MAGI1: variants seen among roughly 807,000 people sequenced by gnomAD.
The protein encoded by MAGI1 is membrane-associated guanylate kinase, WW and PDZ domain-containing protein 1.
MAGI1 carries 58 observed loss-of-function variants against 139.9 expected under a neutral mutation model. The ratio of observed to expected loss-of-function variants is 0.41; its 90% confidence interval spans 0.34 to 0.52. The LOEUF is 0.52. MAGI1 is among the 20% of genes least tolerant of loss of function. MAGI1 has a pLI of 0.12. For synonymous variants in MAGI1, 812 were observed against 737.9 expected (o/e 1.10, Z -1.63); for missense variants, 1,874 against 1,901.6 (o/e 0.99, Z 0.27).
chr3:65,717,951 T>C (rs556203068), intron 1 of MAGI1, among the ~76,000 whole-genome samples: 47 of 152,216 alleles, frequency 3.1e-4, no homozygotes, highest in Non-Finnish European at 5.9e-4. Context: ...ATAAGAAAGA[T>C]TTTTTTCCCC....
chr3:65,687,135 T>C (rs1290385147), intron 1 of MAGI1, among the ~76,000 whole-genome samples: 2 of 152,148 alleles, frequency 1.3e-5, no homozygotes, highest in Non-Finnish European at 2.9e-5. Flanking sequence ...GGCATGCACC[T>C]GAAATCCAAG....
At chr3:65,649,535 G>C (rs537652161) in intron 1 of MAGI1, among the ~76,000 whole-genome samples, 27 of 152,238 alleles carry the variant, frequency 1.8e-4, no homozygotes, top group African/African-American at 6.0e-4. Context: ...TCCTGCAATA[G>C]GCTCTGTTAA....
chr3:65,611,582 C>T (rs2083120429), intron 2 of MAGI1, among the ~76,000 whole-genome samples: 1 of 144,610 alleles, frequency 6.9e-6, no homozygotes, highest in Non-Finnish European at 1.5e-5. Flanking sequence ...ACTATATATA[C>T]TATACTAGTA....
intron 1 of MAGI1, among the ~76,000 whole-genome samples, chr3:65,879,231 A>G (rs2060233504): frequency 6.6e-6 from 1 of 152,090 alleles, no homozygotes; most frequent in Admixed American, 6.6e-5. Context: ...GTGGAAGCGG[A>G]GAGCAAAGAG....
intron 1 of MAGI1, among the ~76,000 whole-genome samples, chr3:66,013,986 C>G (rs1270082150): frequency 6.6e-6 from 1 of 152,126 alleles, no homozygotes; most frequent in African/African-American, 2.4e-5. Context: ...CGCAGTGAAC[C>G]ACTACATAAT....
At chr3:65,497,131 T>A (rs1293442282) in intron 2 of MAGI1, among the ~76,000 whole-genome samples, 3 of 151,530 alleles carry the variant, frequency 2.0e-5, no homozygotes, top group Non-Finnish European at 2.9e-5. Flanking sequence ...AAGGTCAGAG[T>A]AGAGGGTGGA....
At chr3:65,817,527 G>C (rs537840761) in intron 1 of MAGI1, among the ~76,000 whole-genome samples, 5 of 152,232 alleles carry the variant, frequency 3.3e-5, no homozygotes, top group African/African-American at 1.2e-4. Context: ...TGCCTGGAGA[G>C]GAAAAGCTAA....
intron 1 of MAGI1, among the ~76,000 whole-genome samples, chr3:65,865,886 C>G (rs1374827019): frequency 6.6e-6 from 1 of 152,148 alleles, no homozygotes; most frequent in Non-Finnish European, 1.5e-5. Flanking sequence ...GTGATCCACC[C>G]ACCTCAGCCT....
chr3:65,391,132 T>C lies in MAGI1; in HGVS notation c.2416+10A>G, dbSNP rs1421616450. On this transcript the variant is annotated intron_variant, in intron 14 of 22. Coordinates refer to ENST00000402939, the MANE Select transcript of MAGI1 (RefSeq NM_001033057.2). ...GGTCAGGGTAAGACAGAGGCCAGGA[T>C]GCTACTCACGTCGGTTTTCATACAT... is the stretch of plus-strand genomic sequence containing the variant. The C allele has an allele frequency of 3.7e-6, 6 of 1,613,088 alleles. No homozygotes were observed. The highest frequency in any genetic ancestry group is 1.7e-5 in the Admixed American group (1 of 59,982).
In MAGI1 at chr3:65,534,753, G is replaced by C. The variant is rs576354743; in HGVS notation, c.431-41122C>G. 2.0e-4 allele frequency among the ~76,000 whole-genome samples: 31 copies of C among 152,268 alleles called. 1 individual carries two copies. The South Asian group carries it at 6.2e-3, about 31-fold the overall frequency. ...AAGAGAGCACCAAGATTTGAACCCA[G>C]GTCTGGCTGCCTCCAAATTCAATCC... is the stretch of plus-strand genomic sequence containing the variant. On this transcript the variant is annotated intron_variant, in intron 2 of 22. Coordinates refer to ENST00000402939, the MANE Select transcript of MAGI1 (RefSeq NM_001033057.2).
intron 1 of MAGI1, among the ~76,000 whole-genome samples, chr3:65,709,310 CT>C (rs1259970487): frequency 3.9e-5 from 6 of 152,140 alleles, no homozygotes; most frequent in East Asian, 1.9e-4. Flanking sequence ...CCTGCTATCT[CT>C]TTTTTTTCCA....
At chr3:65,552,259 G>GTGT (rs2079871731) in intron 2 of MAGI1, among the ~76,000 whole-genome samples, 3 of 147,940 alleles carry the variant, frequency 2.0e-5, no homozygotes, top group Admixed American at 6.7e-5. Flanking sequence ...TGTGTATAGG[G>GTGT]GTGTGTGTGT....
intron 1 of MAGI1, among the ~76,000 whole-genome samples, chr3:65,840,326 A>T (rs2058762021): frequency 6.6e-6 from 1 of 152,198 alleles, no homozygotes; most frequent in Non-Finnish European, 1.5e-5. Flanking sequence ...ACGGACATCT[A>T]TGCTTTGTTC....
At chr3:65,665,786 C>G (rs1257322576) in intron 1 of MAGI1, among the ~76,000 whole-genome samples, 1 of 152,102 alleles carries the variant, frequency 6.6e-6, no homozygotes. Flanking sequence ...CAGCGGGGCC[C>G]AGAAATCTAA....
At chr3:65,714,503 G>A (rs1166890370) in intron 1 of MAGI1, among the ~76,000 whole-genome samples, 2 of 152,080 alleles carry the variant, frequency 1.3e-5, no homozygotes, top group East Asian at 3.9e-4. Context: ...GAGCATGGGA[G>A]CCTACGTAAA....
chr3:65,884,379 G>C (rs1482997310), intron 1 of MAGI1, among the ~76,000 whole-genome samples: 1 of 152,180 alleles, frequency 6.6e-6, no homozygotes, highest in Admixed American at 6.5e-5. Flanking sequence ...GAAGAACGAA[G>C]GGAGAACTTG....
At chr3:65,360,299 T>C (rs1940686096) in intron 22 of MAGI1, 1 of 984,692 alleles carries the variant, frequency 1.0e-6, no homozygotes, top group South Asian at 4.7e-5. Context: ...ATAGAAACTT[T>C]GGTAGACCTT....
At chr3:65,651,062 T>G (rs73835618) in intron 1 of MAGI1, among the ~76,000 whole-genome samples, 1 of 152,324 alleles carries the variant, frequency 6.6e-6, no homozygotes, top group African/African-American at 2.4e-5. Flanking sequence ...CAACCCCACC[T>G]AGTCCTCATT....
intron 1 of MAGI1, among the ~76,000 whole-genome samples, chr3:65,970,390 G>A (rs937752617): frequency 1.3e-5 from 2 of 152,036 alleles, no homozygotes; most frequent in Non-Finnish European, 2.9e-5. Context: ...AGTTTGGGAA[G>A]ATGAAAAAGT....
Sources: gnomAD v4.1 joint callset for allele counts (sites outside exome capture counted in the v4.1 genomes callset) on GRCh38, gnomAD v4.1.1 for gene constraint, MANE v1.5 for transcripts, NCBI Gene and HGNC (gene_info 2026-07-23, HGNC 2026-07-21) for gene names.